ST7: variants seen among roughly 807,000 people sequenced by gnomAD.
ST7 encodes suppressor of tumorigenicity 7 protein.
ST7 carries 28 observed loss-of-function variants against 78.7 expected under a neutral mutation model. The observed-to-expected ratio is 0.36, with a 90% confidence interval of 0.26 to 0.49. The LOEUF (loss-of-function observed/expected upper bound fraction) is 0.49, where lower values mean the gene tolerates loss of function less well. Ranked by LOEUF, ST7 falls within the 20% of genes least tolerant of loss-of-function variation. The pLI is 0.99. For missense variants in ST7, 418 were observed against 696.0 expected (o/e 0.60, Z 4.49); for synonymous variants, 247 against 249.6 (o/e 0.99, Z 0.10).
intron 10 of ST7, among the ~76,000 whole-genome samples, chr7:117,185,647 C>T (rs111751603): frequency 0.038 from 5,856 of 152,218 alleles, 391 homozygotes; most frequent in African/African-American, 0.13. Flanking sequence ...CACAGTAGGC[C>T]GGGTGCAGTG....
At chr7:116,990,029 C>T (rs941718228) in intron 1 of ST7, among the ~76,000 whole-genome samples, 1 of 152,156 alleles carries the variant, frequency 6.6e-6, no homozygotes, top group African/African-American at 2.4e-5. Context: ...CATCCTCTGC[C>T]TCCCGGGTTC....
intron 12 of ST7, 37 bp from the exon 13 acceptor site, chr7:117,209,750 G>T: frequency 6.3e-7 from 1 of 1,596,842 alleles, no homozygotes; most frequent in Non-Finnish European, 8.5e-7. Context: ...AAATTACTTA[G>T]GTATTAACAC....
At chr7:117,136,575 G>A in intron 8 of ST7, 1 of 471,928 alleles carries the variant, frequency 2.1e-6, no homozygotes. Context: ...AAACCCAGAT[G>A]GGAAACAGGA....
chr7:117,116,046 A>G (rs1229191392), intron 2 of ST7, among the ~76,000 whole-genome samples: 1 of 152,190 alleles, frequency 6.6e-6, no homozygotes, highest in African/African-American at 2.4e-5. Context: ...AAGGTCACAT[A>G]GCCCAGCTAT....
chr7:117,200,410 A>C (rs969912624), intron 12 of ST7, among the ~76,000 whole-genome samples: 1 of 152,190 alleles, frequency 6.6e-6, no homozygotes, highest in African/African-American at 2.4e-5. Context: ...GGGGCTGCAG[A>C]GCCAGTACCC....
chr7:117,134,276 C>T, intron 7 of ST7, 84 bp downstream of exon 7: 1 of 1,587,832 alleles, frequency 6.3e-7, no homozygotes, highest in Admixed American at 1.7e-5. Context: ...CCCCCATCAC[C>T]ACACTTTCTT....
intron 9 of ST7, among the ~76,000 whole-genome samples, chr7:117,150,834 T>C (rs1806185225): frequency 6.6e-6 from 1 of 152,236 alleles, no homozygotes; most frequent in African/African-American, 2.4e-5. Flanking sequence ...AATTGAACTT[T>C]CCAATCATTT....
rs1458973195 is a variant in ST7, at chr7:117,230,106, A to G, written c.*249A>G. 1.5e-6 allele frequency: 1 copy of G among 654,858 alleles called. No homozygotes were observed. The highest frequency in any genetic ancestry group is 3.0e-5 in the East Asian group (1 of 33,470). The allele number at this position is 654,858 out of a possible 1,614,324, so 40.6% of individuals were successfully genotyped here. A position where few individuals can be genotyped will look rare whatever the true frequency, so the allele number is the denominator to read the frequency against. ...AAAACTTTTGTGTATTACAGCAATC[A>G]TTTGTATCCTCCTGTGTCTTCCAAC... On this transcript the variant is annotated 3_prime_UTR_variant, in exon 16 of 16. Transcript: ENST00000323984.
chr7:117,137,577 A>G (rs3808217), intron 8 of ST7, among the ~76,000 whole-genome samples: 8,938 of 152,224 alleles, frequency 0.059, 364 homozygotes, highest in East Asian at 0.14. Context: ...GGTACTTGGC[A>G]GATTTTCAGC....
chr7:117,086,130 T>C (rs1800126842), intron 1 of ST7, among the ~76,000 whole-genome samples: 1 of 152,172 alleles, frequency 6.6e-6, no homozygotes, highest in Admixed American at 6.5e-5. Context: ...TTTGTTTTAT[T>C]TTCTGTATTT....
chr7:117,061,815 T>C (rs1371770586), intron 1 of ST7, among the ~76,000 whole-genome samples: 1 of 152,182 alleles, frequency 6.6e-6, no homozygotes, highest in Non-Finnish European at 1.5e-5. Context: ...CTTGGAAAAT[T>C]AATATGTAGG....
chr7:117,134,769 C>A (rs1804644132), intron 7 of ST7, among the ~76,000 whole-genome samples: 1 of 151,992 alleles, frequency 6.6e-6, no homozygotes, highest in Admixed American at 6.6e-5. Context: ...ATGGTTCTTT[C>A]CAAGTCATGG....
At chr7:117,105,126 G>C (rs1444837504) in intron 2 of ST7, among the ~76,000 whole-genome samples, 1 of 152,168 alleles carries the variant, frequency 6.6e-6, no homozygotes, top group Non-Finnish European at 1.5e-5. Flanking sequence ...TTCCACAATG[G>C]AATGTTTTTC....
At position 117,031,886 on chromosome 7, in the gene ST7, T is replaced by A. The variant is rs71564579; in HGVS notation, c.152-67876T>A. 5.3e-3 allele frequency among the ~76,000 whole-genome samples: 365 copies of A among 68,318 alleles called. 21 individuals carry two copies. The highest frequency in any genetic ancestry group is 0.012 in the African/African-American group (286 of 23,404). 44.8% of individuals were successfully genotyped at this position (68,318 alleles called of 152,430 possible). A position where few individuals can be genotyped will look rare whatever the true frequency, so the allele number is the denominator to read the frequency against. On this transcript the variant is annotated intron_variant, in intron 1 of 15. Transcript: ENST00000323984. ...TCTATCTATCTATATATATATATTT[T>A]TTTTTTTTTTTTGGCAATGGAGTCT...
At chr7:116,983,730 T>A (rs565879951) in intron 1 of ST7, among the ~76,000 whole-genome samples, 2 of 152,258 alleles carry the variant, frequency 1.3e-5, no homozygotes, top group South Asian at 4.2e-4. Flanking sequence ...CAAGCATAGA[T>A]ACCTACCTCG....
intron 1 of ST7, chr7:117,098,907 G>C: frequency 8.8e-7 from 1 of 1,139,728 alleles, no homozygotes. Flanking sequence ...TAAAATACTT[G>C]TAAGTGAACC....
intron 11 of ST7, 23 bp downstream of exon 11, chr7:117,189,416 G>A (rs933985023): frequency 3.2e-6 from 5 of 1,567,310 alleles, no homozygotes; most frequent in East Asian, 2.3e-5. Flanking sequence ...TAGTTTGCGC[G>A]GTACTAATGC....
At chr7:117,081,244 G>A (rs866424597) in intron 1 of ST7, among the ~76,000 whole-genome samples, 1 of 152,112 alleles carries the variant, frequency 6.6e-6, no homozygotes, top group Non-Finnish European at 1.5e-5. Flanking sequence ...ACTGTTTAGT[G>A]TGCTCATAGT....
At chr7:117,138,598 C>A in intron 9 of ST7, 66 bp downstream of exon 9, 1 of 1,112,366 alleles carries the variant, frequency 9.0e-7, no homozygotes, top group Non-Finnish European at 1.3e-6. Context: ...ATGGCCATAG[C>A]AGTCTGTACC....
Sources: gnomAD v4.1 joint callset for allele counts (sites outside exome capture counted in the v4.1 genomes callset) on GRCh38, gnomAD v4.1.1 for gene constraint, MANE v1.5 for transcripts, NCBI Gene and HGNC (gene_info 2026-07-23, HGNC 2026-07-21) for gene names.